Variants in ADK observed in about 807,000 individuals in gnomAD.
ADK encodes adenosine kinase.
In ADK, 24 loss-of-function variants were observed where a neutral mutation model predicts 44.7. That is an observed-to-expected ratio of 0.54 (90% CI 0.39 to 0.76). The LOEUF (loss-of-function observed/expected upper bound fraction) is 0.76, where lower values mean the gene tolerates loss of function less well. Among genes scored for constraint, ADK ranks in the 30% least tolerant of loss-of-function variants. The pLI is 0.00. For synonymous variants in ADK, 128 were observed against 142.6 expected (o/e 0.90, Z 0.73); for missense variants, 321 against 425.1 (o/e 0.76, Z 2.15).
intron 9 of ADK, among the ~76,000 whole-genome samples, chr10:74,631,567 T>C (rs1157325451): frequency 2.0e-5 from 3 of 151,936 alleles, no homozygotes; most frequent in African/African-American, 7.3e-5. Flanking sequence ...CCTGTGTATA[T>C]ATTTTTAAAA....
chr10:74,401,952 C>T (rs1843730082), intron 6 of ADK, among the ~76,000 whole-genome samples: 1 of 152,188 alleles, frequency 6.6e-6, no homozygotes, highest in South Asian at 2.1e-4. Context: ...CAAAATCTCT[C>T]AGCATTTGCT....
intron 9 of ADK, among the ~76,000 whole-genome samples, chr10:74,648,803 T>C (rs1292195308): frequency 6.6e-6 from 1 of 152,202 alleles, no homozygotes; most frequent in Non-Finnish European, 1.5e-5. Flanking sequence ...TTTTTTATAC[T>C]GTCCAGGCTA....
At chr10:74,520,266 A>G (rs146213731) in intron 6 of ADK, among the ~76,000 whole-genome samples, 62 of 151,928 alleles carry the variant, frequency 4.1e-4, no homozygotes, top group Non-Finnish European at 3.7e-4. Flanking sequence ...AATATCATAT[A>G]TTCTTCCCTA....
chr10:74,648,593 G>A (rs1398129891), intron 9 of ADK, among the ~76,000 whole-genome samples: 7 of 151,274 alleles, frequency 4.6e-5, no homozygotes, highest in Admixed American at 2.0e-4. Flanking sequence ...CAGGAGAATC[G>A]CTTGAACCTG....
intron 10 of ADK, among the ~76,000 whole-genome samples, chr10:74,674,940 A>G (rs1855331921): frequency 1.3e-5 from 2 of 152,134 alleles, no homozygotes; most frequent in Admixed American, 1.3e-4. Context: ...CACCTTGGGA[A>G]TGAATCTCAG....
At chr10:74,354,567 A>G (rs1033234102) in intron 4 of ADK, among the ~76,000 whole-genome samples, 6 of 152,180 alleles carry the variant, frequency 3.9e-5, no homozygotes, top group Admixed American at 6.5e-5. Context: ...GAATATATCT[A>G]TTTGTTATAG....
intron 9 of ADK, among the ~76,000 whole-genome samples, chr10:74,645,183 G>A (rs1020061394): frequency 1.8e-4 from 28 of 152,064 alleles, no homozygotes; most frequent in African/African-American, 6.5e-4. Flanking sequence ...CAAATGTACT[G>A]TCTTTTATCC....
At chr10:74,248,368 C>CT (rs146296780) in intron 3 of ADK, among the ~76,000 whole-genome samples, 54 of 147,998 alleles carry the variant, frequency 3.6e-4, no homozygotes, top group Admixed American at 6.7e-4. Context: ...TTTCAGATTG[C>CT]TTTTTTTTTT....
chr10:74,392,238 T>C (rs1000018360), intron 4 of ADK, among the ~76,000 whole-genome samples: 3 of 152,196 alleles, frequency 2.0e-5, no homozygotes, highest in African/African-American at 7.2e-5. Context: ...GGAACTTCCA[T>C]ACCATTTTAG....
At chr10:74,192,527 A>ATT (rs58530218) in intron 1 of ADK, among the ~76,000 whole-genome samples, 9,840 of 131,932 alleles carry the variant, frequency 0.075, 1,174 homozygotes, top group African/African-American at 0.25. Context: ...CACCTGGCCC[A>ATT]TTTTTTTTTT....
chr10:74,370,240 T>C (rs955798695), intron 4 of ADK, among the ~76,000 whole-genome samples: 1 of 152,198 alleles, frequency 6.6e-6, no homozygotes, highest in Non-Finnish European at 1.5e-5. Flanking sequence ...CTTAAATATG[T>C]ACAGTTAATT....
chr10:74,688,383 G>T (rs989237032), intron 10 of ADK, among the ~76,000 whole-genome samples: 3 of 152,080 alleles, frequency 2.0e-5, no homozygotes, highest in African/African-American at 7.2e-5. Context: ...ATTTACCAGC[G>T]TATCCCCGGG....
chr10:74,410,270 A>G (rs1425394590), intron 6 of ADK, among the ~76,000 whole-genome samples: 2 of 152,144 alleles, frequency 1.3e-5, no homozygotes, highest in East Asian at 1.9e-4. Context: ...GCCATCTAGT[A>G]TTCTTTGCTC....
rs959591595 is a variant in ADK at position 74,216,950 on chromosome 10, C to T, written c.141-7588C>T. Among the ~76,000 whole-genome samples, 32 of 152,242 alleles carry T rather than the reference C, an allele frequency of 2.1e-4. 1 individual carries two copies. The highest frequency in any genetic ancestry group is 1.8e-3 in the Admixed American group (28 of 15,300). On this transcript the variant is annotated intron_variant, in intron 2 of 10. Coordinates refer to ENST00000539909, the MANE Select transcript of ADK (RefSeq NM_006721.4). Reference sequence around the variant, plus strand: ...CTCCCAGCGTGAGCGATGCAGAAGACGGGTGATTTCTGCATTTCCATCTGA... The same window carrying T: ...CTCCCAGCGTGAGCGATGCAGAAGATGGGTGATTTCTGCATTTCCATCTGA...
chr10:74,422,930 G>A (rs559915924), intron 6 of ADK, among the ~76,000 whole-genome samples: 1 of 152,098 alleles, frequency 6.6e-6, no homozygotes, highest in Non-Finnish European at 1.5e-5. Flanking sequence ...GTGGGGAGGG[G>A]GCTGCAGCCT....
At chr10:74,635,653 A>G (rs1486200059) in intron 9 of ADK, among the ~76,000 whole-genome samples, 1 of 152,280 alleles carries the variant, frequency 6.6e-6, no homozygotes, top group South Asian at 2.1e-4. Context: ...CTTGTTGGCT[A>G]CATTAAGGTA....
intron 7 of ADK, among the ~76,000 whole-genome samples, chr10:74,585,830 G>A (rs547213399): frequency 6.6e-6 from 1 of 152,306 alleles, no homozygotes; most frequent in South Asian, 2.1e-4. Context: ...GCGCCCTGGG[G>A]CAGCACAGAT....
chr10:74,426,934 C>T (rs879402898), intron 6 of ADK, among the ~76,000 whole-genome samples: 2 of 152,090 alleles, frequency 1.3e-5, no homozygotes, highest in Non-Finnish European at 2.9e-5. Context: ...AATGCTATCC[C>T]TCCCCTAACC....
intron 4 of ADK, among the ~76,000 whole-genome samples, chr10:74,358,152 A>C (rs1842207149): frequency 6.6e-6 from 1 of 152,246 alleles, no homozygotes; most frequent in South Asian, 2.1e-4. Flanking sequence ...TCATAATTGC[A>C]ACAGATGCAA....
Sources: allele counts gnomAD v4.1 joint callset (sites outside exome capture counted in the v4.1 genomes callset), GRCh38; gene constraint gnomAD v4.1.1; transcripts MANE v1.5; gene names NCBI Gene and HGNC (gene_info 2026-07-23, HGNC 2026-07-21).